The following TTC28 variants were observed in gnomAD, a reference collection of about 807,000 sequenced individuals.
TTC28 encodes tetratricopeptide repeat domain 28, also known as tetratricopeptide repeat protein 28.
Under a neutral mutation model 198.0 loss-of-function variants are expected in TTC28, and 61 were observed. The ratio of observed to expected loss-of-function variants is 0.31; its 90% confidence interval spans 0.25 to 0.38. The LOEUF (loss-of-function observed/expected upper bound fraction) is 0.38, where lower values mean the gene tolerates loss of function less well. Ranked by LOEUF, TTC28 falls within the 10% of genes least tolerant of loss-of-function variation. The probability of loss-of-function intolerance (pLI) is 1.00; values close to 1 mark genes in which losing one functional copy is unlikely to be tolerated. For missense variants in TTC28, 2,678 were observed against 3,164.0 expected, an observed-to-expected ratio of 0.85 and a Z score of 3.69; for synonymous variants, 1,171 against 1,297.8, an observed-to-expected ratio of 0.90 and a Z score of 2.10.
At chr22:28,085,575 C>T (rs147411812) in intron 12 of TTC28, among the ~76,000 whole-genome samples, 10,136 of 152,160 alleles carry the variant, frequency 0.067, 422 homozygotes, top group South Asian at 0.089. Context: ...CTGTAAAGAC[C>T]ATCGAGGCTA....
intron 12 of TTC28, among the ~76,000 whole-genome samples, chr22:28,043,741 G>A (rs1228068386): frequency 6.6e-6 from 1 of 152,180 alleles, no homozygotes; most frequent in Non-Finnish European, 1.5e-5. Context: ...GCTGTTGGGG[G>A]AGAGGATGGG....
At chr22:28,007,511 G>A (rs1294297909) in intron 14 of TTC28, 1 of 152,232 alleles carries the variant, frequency 6.6e-6, no homozygotes, top group Non-Finnish European at 1.5e-5. Flanking sequence ...GAGCCAGAAG[G>A]GCCTGCCTGA....
At chr22:28,520,601 A>G (rs2048885090) in intron 2 of TTC28, among the ~76,000 whole-genome samples, 1 of 152,114 alleles carries the variant, frequency 6.6e-6, no homozygotes, top group Admixed American at 6.5e-5. Flanking sequence ...GAACAAATAA[A>G]CAAAAAATCA....
At chr22:28,316,510 T>A (rs1365516278) in intron 2 of TTC28, among the ~76,000 whole-genome samples, 1 of 152,104 alleles carries the variant, frequency 6.6e-6, no homozygotes, top group African/African-American at 2.4e-5. Context: ...TTATGTTAAA[T>A]CTATTTGTAT....
chr22:28,049,141 G>C (rs960628819), intron 12 of TTC28, among the ~76,000 whole-genome samples: 1 of 152,204 alleles, frequency 6.6e-6, no homozygotes, highest in African/African-American at 2.4e-5. Context: ...CTTGGCTACA[G>C]CAGAGCTCAG....
intron 2 of TTC28, among the ~76,000 whole-genome samples, chr22:28,384,522 A>G (rs932110466): frequency 7.9e-5 from 12 of 152,184 alleles, no homozygotes; most frequent in African/African-American, 2.7e-4. Flanking sequence ...CAGAAAATTT[A>G]TTTTATTCAG....
chr22:28,305,456 G>C (rs7291258), intron 3 of TTC28, among the ~76,000 whole-genome samples: 1 of 152,066 alleles, frequency 6.6e-6, no homozygotes, highest in African/African-American at 2.4e-5. Flanking sequence ...GACCAAATGA[G>C]TACTGTTTAG....
At position 28,160,536 on chromosome 22, in the gene TTC28, G is replaced by A. The variant is rs1007378461; in HGVS notation, c.1441+2556C>T. Among the ~76,000 whole-genome samples, 15 of 152,274 alleles carry A rather than the reference G, an allele frequency of 9.9e-5. No individual in the cohort carries two copies. The East Asian group carries it at 1.3e-3, about 14-fold the overall frequency. On this transcript the variant is annotated intron_variant, in intron 6 of 22. Coordinates refer to ENST00000397906, the MANE Select transcript of TTC28 (RefSeq NM_001145418.2). ...TGAGATACAGGGAAGCCTAGGAGAG[G>A]AGGCAGAGTAAAAAAGGCAGCTTCA...
chr22:28,654,776 T>C (rs866229509), intron 1 of TTC28, among the ~76,000 whole-genome samples: 18 of 152,206 alleles, frequency 1.2e-4, no homozygotes, highest in Admixed American at 6.5e-5. Flanking sequence ...TGGGAAATGT[T>C]TCCTTAATGT....
At chr22:28,192,097 G>C (rs1924856061) in intron 5 of TTC28, among the ~76,000 whole-genome samples, 1 of 152,174 alleles carries the variant, frequency 6.6e-6, no homozygotes, top group South Asian at 2.1e-4. Context: ...AAAACTTCCA[G>C]AGGAACGATC....
rs755734712 is a variant in TTC28 at position 28,296,260 on chromosome 22, G to C, written c.871C>G (p.Arg291Gly). Reference sequence around the variant, plus strand: ...TGCCTGTGGTTAGTGAGAGCCTCCCGGTAATTTCCTTTGGAGAAGAATGCA... The same window carrying C: ...TGCCTGTGGTTAGTGAGAGCCTCCCCGTAATTTCCTTTGGAGAAGAATGCA... ...GSAFFSKGNY[R>G]EALTNHRHQL... is the part of the protein sequence containing the mutation. The change falls in exon 5 of 23, where the codon CGG becomes GGG. Residue 291 changes from arginine to glycine, a missense_variant. Around this residue, in one of 8 missense-constraint regions of TTC28, gnomAD observed 775 missense variants for 845.9 expected, o/e 0.92. Transcript: ENST00000397906. The C allele has an allele frequency of 1.9e-6, 3 of 1,550,536 alleles. No individual in the cohort carries two copies. The highest frequency in any genetic ancestry group is 2.6e-6 in the Non-Finnish European group (3 of 1,146,548).
chr22:27,999,985 C>T (rs529129170), intron 15 of TTC28: 1 of 152,230 alleles, frequency 6.6e-6, no homozygotes, highest in South Asian at 2.1e-4. Context: ...CAGGAGATGG[C>T]CTTTTCCAGG....
chr22:28,039,413 A>C (rs1235986140), intron 12 of TTC28, among the ~76,000 whole-genome samples: 1 of 151,916 alleles, frequency 6.6e-6, no homozygotes, highest in Non-Finnish European at 1.5e-5. Flanking sequence ...AGCAAACTAT[A>C]GCAAGGACAA....
chr22:28,134,196 A>T (rs1943138742), intron 6 of TTC28, among the ~76,000 whole-genome samples: 1 of 152,234 alleles, frequency 6.6e-6, no homozygotes, highest in Non-Finnish European at 1.5e-5. Flanking sequence ...ATCCACACCA[A>T]AATCCCATCT....
At chr22:28,356,196 G>A (rs907508273) in intron 2 of TTC28, among the ~76,000 whole-genome samples, 5 of 152,092 alleles carry the variant, frequency 3.3e-5, no homozygotes, top group African/African-American at 1.2e-4. Flanking sequence ...TTCTACTCCA[G>A]CTACTACTCT....
At chr22:28,512,306 G>A (rs1471444567) in intron 2 of TTC28, among the ~76,000 whole-genome samples, 1 of 152,066 alleles carries the variant, frequency 6.6e-6, no homozygotes. Context: ...AGAGAAAAAG[G>A]AACACTTTTA....
chr22:27,985,770 T>C (rs931069591), intron 21 of TTC28: 2 of 160,198 alleles, frequency 1.2e-5, no homozygotes, highest in African/African-American at 4.8e-5. Context: ...TTAAAGCTGG[T>C]GCATGGTGAG....
chr22:28,306,061 T>C (rs1370203181), intron 3 of TTC28, among the ~76,000 whole-genome samples: 2 of 152,204 alleles, frequency 1.3e-5, no homozygotes, highest in African/African-American at 4.8e-5. Flanking sequence ...TTATGAAATA[T>C]AAGAATGTCA....
intron 2 of TTC28, among the ~76,000 whole-genome samples, chr22:28,348,165 A>G (rs1165638062): frequency 6.6e-6 from 1 of 152,218 alleles, no homozygotes; most frequent in East Asian, 1.9e-4. Context: ...TAAAATTTGT[A>G]GAAGAAAACG....
Sources: allele counts gnomAD v4.1 joint callset (sites outside exome capture counted in the v4.1 genomes callset), GRCh38; gene constraint gnomAD v4.1.1; regional missense constraint gnomAD v4.1.1; transcripts MANE v1.5; gene names NCBI Gene and HGNC (gene_info 2026-07-23, HGNC 2026-07-21).